The following ANKRD26 variants were observed in gnomAD, a reference collection of about 807,000 sequenced individuals.
ANKRD26 encodes the protein ankyrin repeat domain 26.
In ANKRD26, 141 loss-of-function variants were observed where a neutral mutation model predicts 208.7. The observed-to-expected ratio is 0.68, with a 90% CI of 0.59 to 0.78. ANKRD26 has a LOEUF of 0.78. ANKRD26 is among the 30% of genes least tolerant of loss of function. The pLI, the probability that ANKRD26 is intolerant of heterozygous loss-of-function variation, is 0.00. For missense variants in ANKRD26, 1,889 were observed against 1,938.7 expected, an observed-to-expected ratio of 0.97 and a Z score of 0.48; for synonymous variants, 636 against 660.4, an observed-to-expected ratio of 0.96 and a Z score of 0.57.
At chr10:27,028,726 A>T in intron 27 of ANKRD26, 126 bp downstream of exon 27, 2 of 781,394 alleles carry the variant, frequency 2.6e-6, no homozygotes, top group South Asian at 1.7e-5. Context: ...ATATTCCAAA[A>T]TAAAAAAAAA....
exon 6 of ANKRD26, among the ~76,000 whole-genome samples, chr10:26,974,319 A>G (rs1385459526): frequency 6.7e-6 from 1 of 148,616 alleles, no homozygotes; most frequent in Non-Finnish European, 1.5e-5. Flanking sequence ...ATTCCTTTGC[A>G]CATTCTAGAC....
At chr10:27,050,170 A>G (rs1324015004) in intron 16 of ANKRD26, among the ~76,000 whole-genome samples, 1 of 142,122 alleles carries the variant, frequency 7.0e-6, no homozygotes, top group Non-Finnish European at 1.5e-5. Flanking sequence ...CAGTGAGCCA[A>G]GATCATGCCA....
At position 27,079,142 on chromosome 10, in the gene ANKRD26, C is replaced by T. The variant is rs2055810554; in HGVS notation, c.760G>A (p.Val254Ile). The change falls in exon 7 of 34, where the codon GTT becomes ATT. Residue 254 changes from valine to isoleucine, a missense_variant. By Grantham distance (29) the Val-to-Ile change is conservative. Transcript: ENST00000376087. ...TCTGAGGTAGGCCATGAATCATCAACACCCGGTTTGCCAGAAAGCCTTTAG... is the reference window on the plus strand; with the variant it reads ...TCTGAGGTAGGCCATGAATCATCAATACCCGGTTTGCCAGAAAGCCTTTAG... ...SLSRLSGKPG[V>I]DDSWPTSDDE... 1 of 1,613,684 alleles carries T rather than the reference C, an allele frequency of 6.2e-7. No individual in the cohort carries two copies. The highest frequency in any genetic ancestry group is 1.1e-5 in the South Asian group (1 of 91,078).
the ANKRD26 span, among the ~76,000 whole-genome samples, chr10:26,967,638 C>T: frequency 6.6e-6 from 1 of 152,170 alleles, no homozygotes; most frequent in South Asian, 2.1e-4. Context: ...AACCACCTTA[C>T]CAAGGTTGAT....
intron 5 of ANKRD26, among the ~76,000 whole-genome samples, chr10:27,084,650 CTGAGTTCAGGA>C (rs1427962495): frequency 6.6e-6 from 1 of 152,052 alleles, no homozygotes; most frequent in Non-Finnish European, 1.5e-5. Context: ...GGCAGATGTC[CTGAGTTCAGGA>C]GTTCCAAGAT....
intron 3 of ANKRD26, among the ~76,000 whole-genome samples, chr10:26,986,181 G>A (rs2052383814): frequency 6.6e-6 from 1 of 152,130 alleles, no homozygotes; most frequent in Non-Finnish European, 1.5e-5. Context: ...AATGGGGAAA[G>A]GATTCCATAT....
the ANKRD26 span, among the ~76,000 whole-genome samples, chr10:26,956,671 A>G: frequency 6.6e-6 from 1 of 151,966 alleles, no homozygotes. Flanking sequence ...AGGTTTGTAA[A>G]TTTGTTTTTC....
At chr10:27,074,229 G>A (rs2055608245) in intron 9 of ANKRD26, among the ~76,000 whole-genome samples, 1 of 152,072 alleles carries the variant, frequency 6.6e-6, no homozygotes, top group African/African-American at 2.4e-5. Context: ...TGATTATTAA[G>A]TTACTCAAGA....
At chr10:27,029,075 C>G (rs1473970535) in intron 26 of ANKRD26, 130 bp from the exon 27 acceptor site, 1 of 1,000,490 alleles carries the variant, frequency 1.0e-6, no homozygotes, top group East Asian at 2.6e-5. Context: ...GATTTGGCAA[C>G]TCTATCGTTT....
chr10:27,040,751 C>T (rs568266735), intron 20 of ANKRD26, among the ~76,000 whole-genome samples: 3 of 152,110 alleles, frequency 2.0e-5, no homozygotes, highest in Admixed American at 6.5e-5. Flanking sequence ...AGGAAGTGGC[C>T]GGGCGTAGTG....
At chr10:27,057,625 C>T (rs1477562842) in intron 15 of ANKRD26, among the ~76,000 whole-genome samples, 1 of 152,142 alleles carries the variant, frequency 6.6e-6, no homozygotes, top group Non-Finnish European at 1.5e-5. Flanking sequence ...CTTGGGTAAA[C>T]ATCAGAAATT....
the ANKRD26 span, among the ~76,000 whole-genome samples, chr10:26,967,259 G>A: frequency 2.0e-5 from 3 of 152,170 alleles, no homozygotes. Flanking sequence ...CAGATAGATA[G>A]ATATTTTTAG....
intron 15 of ANKRD26, among the ~76,000 whole-genome samples, chr10:27,055,366 G>A (rs899840216): frequency 5.3e-5 from 8 of 152,242 alleles, no homozygotes; most frequent in Non-Finnish European, 8.8e-5. Context: ...ATATGTATAG[G>A]TGAGTAACTT....
At chr10:27,067,433 T>C in intron 9 of ANKRD26, 147 bp from the exon 10 acceptor site, 1 of 888,238 alleles carries the variant, frequency 1.1e-6, no homozygotes, top group Middle Eastern at 2.8e-4. Context: ...TTTTTTTTTT[T>C]AAAGAAACAC....
intron 9 of ANKRD26, among the ~76,000 whole-genome samples, chr10:27,071,903 G>C (rs1013396878): frequency 6.6e-6 from 1 of 152,186 alleles, no homozygotes. Flanking sequence ...TGCATTCCCT[G>C]ACTCCAGGAG....
At chr10:26,947,797 T>A in the ANKRD26 span, among the ~76,000 whole-genome samples, 1 of 152,224 alleles carries the variant, frequency 6.6e-6, no homozygotes, top group Non-Finnish European at 1.5e-5. Flanking sequence ...AATGATGGGA[T>A]ATATGTGTAC....
intron 29 of ANKRD26, among the ~76,000 whole-genome samples, chr10:27,019,916 C>G (rs66520317): frequency 0.082 from 12,448 of 152,276 alleles, 727 homozygotes; most frequent in East Asian, 0.28. Flanking sequence ...GACAGCTTGT[C>G]TCTGTTCCCC....
At chr10:27,066,887 A>G (rs2055269885) in intron 10 of ANKRD26, among the ~76,000 whole-genome samples, 1 of 151,744 alleles carries the variant, frequency 6.6e-6, no homozygotes, top group Admixed American at 6.6e-5. Flanking sequence ...AGCCCACTGC[A>G]ACTTCTGTCT....
chr10:26,963,911 T>TTTTTG, the ANKRD26 span, among the ~76,000 whole-genome samples: 40 of 135,888 alleles, frequency 2.9e-4, no homozygotes, highest in African/African-American at 1.0e-3. Context: ...TGGTTTTTTT[T>TTTTTG]TTTTTTTTTT....
Sources: allele counts gnomAD v4.1 joint callset (sites outside exome capture counted in the v4.1 genomes callset), GRCh38; gene constraint gnomAD v4.1.1; transcripts MANE v1.5; gene names NCBI Gene and HGNC (gene_info 2026-07-23, HGNC 2026-07-21).